Variants in POC1A observed in about 807,000 individuals in gnomAD.
POC1A encodes POC1 centriolar protein homolog A.
A neutral mutation model predicts 47.8 loss-of-function variants in POC1A; 34 were observed. The observed-to-expected ratio is 0.71, with a 90% confidence interval of 0.54 to 0.95. The LOEUF (loss-of-function observed/expected upper bound fraction) is 0.95, where lower values mean the gene tolerates loss of function less well. Ranked by LOEUF, POC1A falls within the 40% of genes least tolerant of loss-of-function variation. POC1A has a pLI of 0.00. For missense variants in POC1A, 466 were observed against 528.3 expected, an observed-to-expected ratio of 0.88 and a Z score of 1.16; for synonymous variants, 177 against 207.6, an observed-to-expected ratio of 0.85 and a Z score of 1.27.
chr3:52,113,750 T>C (rs1213737979), intron 9 of POC1A, among the ~76,000 whole-genome samples: 1 of 152,278 alleles, frequency 6.6e-6, no homozygotes, highest in Middle Eastern at 3.4e-3. Context: ...AACCTGTAGT[T>C]TGGTAACAAA....
chr3:52,102,656 G>A (rs1243052939), intron 9 of POC1A, among the ~76,000 whole-genome samples: 1 of 152,096 alleles, frequency 6.6e-6, no homozygotes, highest in African/African-American at 2.4e-5. Flanking sequence ...TTTCAGGGAG[G>A]CTCCCATTCA....
At chr3:52,115,044 G>T (rs1319273669) in intron 9 of POC1A, among the ~76,000 whole-genome samples, 1 of 152,210 alleles carries the variant, frequency 6.6e-6, no homozygotes, top group Non-Finnish European at 1.5e-5. Flanking sequence ...AGGCGTCGGG[G>T]GTTTGGGCTC....
intron 7 of POC1A, among the ~76,000 whole-genome samples, chr3:52,128,372 TAAG>T (rs1423436999): frequency 1.3e-5 from 2 of 152,174 alleles, no homozygotes; most frequent in Admixed American, 6.5e-5. Flanking sequence ...GCCCTGCAGA[TAAG>T]AAGTGCTAGC....
At chr3:52,092,671 G>A (rs1232767592) in intron 10 of POC1A, among the ~76,000 whole-genome samples, 2 of 152,166 alleles carry the variant, frequency 1.3e-5, no homozygotes, top group African/African-American at 4.8e-5. Flanking sequence ...ACAACTACGT[G>A]GGGAGGCCTG....
In POC1A at chr3:52,130,637, C is replaced by G. The variant is rs184134244; in HGVS notation, c.814-5456G>C. 8.5e-5 allele frequency among the ~76,000 whole-genome samples: 13 copies of G among 152,328 alleles called. No individual in the cohort carries two copies. In the East Asian group the frequency reaches 2.3e-3, roughly 27 times the overall value. On this transcript the variant is annotated intron_variant, in intron 7 of 10. Transcript: ENST00000296484. ...CCTCTCACAGGAGGTGCCCGACCACCCAAGCCAGGTGTGACCCTCCTGAGC... is the reference window on the plus strand; with the variant it reads ...CCTCTCACAGGAGGTGCCCGACCACGCAAGCCAGGTGTGACCCTCCTGAGC...
intron 9 of POC1A, among the ~76,000 whole-genome samples, chr3:52,099,357 A>G (rs1028194595): frequency 6.6e-6 from 1 of 152,234 alleles, no homozygotes; most frequent in Non-Finnish European, 1.5e-5. Context: ...AGCTGGGCAA[A>G]TAAGCAAGAA....
At chr3:52,130,612 C>T (rs1474403191) in intron 7 of POC1A, among the ~76,000 whole-genome samples, 8 of 152,226 alleles carry the variant, frequency 5.3e-5, no homozygotes, top group Non-Finnish European at 1.2e-4. Context: ...TGTCCTCTCA[C>T]CTCTCACAGG....
intron 10 of POC1A, 99 bp downstream of exon 10, chr3:52,096,470 T>C (rs1559816810): frequency 6.7e-6 from 7 of 1,051,188 alleles, no homozygotes; most frequent in Admixed American, 2.6e-5. Context: ...TATAATTATG[T>C]TTTTAAAAAT....
At chr3:52,080,101 C>T (rs1702235457) in intron 10 of POC1A, among the ~76,000 whole-genome samples, 1 of 152,168 alleles carries the variant, frequency 6.6e-6, no homozygotes, top group Admixed American at 6.5e-5. Flanking sequence ...AAACCTTCAG[C>T]GTGGGAGCTT....
At chr3:52,123,543 G>A (rs1703876130) in intron 8 of POC1A, among the ~76,000 whole-genome samples, 1 of 152,230 alleles carries the variant, frequency 6.6e-6, no homozygotes, top group Admixed American at 6.5e-5. Flanking sequence ...CACTGTCTGA[G>A]CAGCTCCACT....
chr3:52,151,291 A>G, intron 1 of POC1A, 191 bp from the exon 2 acceptor site: 3 of 675,514 alleles, frequency 4.4e-6, no homozygotes, highest in Non-Finnish European at 6.7e-6. Context: ...ATTTGAATTA[A>G]TACATCAACT....
intron 7 of POC1A, 95 bp downstream of exon 7, chr3:52,138,074 G>A: frequency 7.4e-7 from 1 of 1,348,612 alleles, no homozygotes; most frequent in Non-Finnish European, 1.1e-6. Flanking sequence ...TGCAGGCTGT[G>A]TGGGTGACAA....
rs756852896 is a variant in POC1A at position 52,151,065 on chromosome 3, G to C, written c.54C>G (p.His18Gln). Residue 18 changes from histidine (H) to glutamine (Q), a missense_variant, in exon 2 of 11, where the codon CAC (histidine) becomes CAG (glutamine). Physicochemically the swap from His to Gln is conservative, Grantham distance 24. Transcript: ENST00000296484. ...DPSLERHFKGHRDAVTCVDFS... is the reference protein window; with the variant it reads ...DPSLERHFKGQRDAVTCVDFS... The stretch of plus-strand genomic sequence containing the variant: ...AGTCCACACAGGTAACTGCATCTCG[G>C]TGGCCCTTAAAATGCCTTTCCAGCG... 1.2e-6 allele frequency: 2 copies of C among 1,613,856 alleles called. No homozygotes were observed. Among genetic ancestry groups the C allele is most frequent in the Non-Finnish European group, 1.7e-6 (2 of 1,179,948 alleles).
intron 9 of POC1A, among the ~76,000 whole-genome samples, chr3:52,121,351 A>T (rs1577874581): frequency 6.6e-6 from 1 of 152,142 alleles, no homozygotes; most frequent in Non-Finnish European, 1.5e-5. Flanking sequence ...CCCCCAACAA[A>T]CCCAAAAGCT....
At chr3:52,077,850 T>C (rs1440609762) in intron 10 of POC1A, among the ~76,000 whole-genome samples, 1 of 152,004 alleles carries the variant, frequency 6.6e-6, no homozygotes, top group Non-Finnish European at 1.5e-5. Context: ...GTGGAGATAG[T>C]GGGCCCAGAA....
intron 6 of POC1A, among the ~76,000 whole-genome samples, chr3:52,143,702 T>C (rs988169897): frequency 2.0e-5 from 3 of 152,090 alleles, no homozygotes; most frequent in Non-Finnish European, 4.4e-5. Context: ...CCTACTTTGA[T>C]ACCAGGCACA....
At chr3:52,100,624 G>C (rs748646166) in intron 9 of POC1A, among the ~76,000 whole-genome samples, 4 of 152,198 alleles carry the variant, frequency 2.6e-5, no homozygotes, top group Non-Finnish European at 5.9e-5. Flanking sequence ...GTAAGTTACA[G>C]TTTTAACAAA....
At chr3:52,143,411 A>C (rs1577915799) in intron 6 of POC1A, among the ~76,000 whole-genome samples, 1 of 151,346 alleles carries the variant, frequency 6.6e-6, no homozygotes, top group South Asian at 2.1e-4. Context: ...GCATTGCTCC[A>C]CCTCCTGACA....
intron 9 of POC1A, among the ~76,000 whole-genome samples, chr3:52,110,157 T>G (rs1390182326): frequency 6.6e-6 from 1 of 152,206 alleles, no homozygotes; most frequent in African/African-American, 2.4e-5. Flanking sequence ...TCCTGAGCAT[T>G]TTTTATGTGT....
Sources: gnomAD v4.1 joint callset for allele counts (sites outside exome capture counted in the v4.1 genomes callset) on GRCh38, gnomAD v4.1.1 for gene constraint, MANE v1.5 for transcripts, NCBI Gene and HGNC (gene_info 2026-07-23, HGNC 2026-07-21) for gene names.